Variants in RASSF9 observed in about 807,000 individuals in gnomAD.
RASSF9 encodes ras association domain-containing protein 9.
A neutral mutation model predicts 21.4 loss-of-function variants in RASSF9; 18 were observed. The observed-to-expected ratio is 0.84, with a 90% CI of 0.58 to 1.25. The LOEUF is 1.25. RASSF9 is among the 50% of genes most tolerant of loss of function. RASSF9 has a pLI of 0.00. For missense variants in RASSF9, 480 were observed against 503.2 expected, an observed-to-expected ratio of 0.95 and a Z score of 0.44; for synonymous variants, 183 against 179.1, an observed-to-expected ratio of 1.02 and a Z score of -0.18.
chr12:85,836,019 G>A (rs1880553976), intron 1 of RASSF9, 136 bp downstream of exon 1: 1 of 1,507,952 alleles, frequency 6.6e-7, no homozygotes, highest in Non-Finnish European at 8.9e-7. Flanking sequence ...CTAGGACTGT[G>A]TCCCCACGAA....
chr12:85,828,548 A>T (rs1305672222), intron 1 of RASSF9, among the ~76,000 whole-genome samples: 1 of 152,166 alleles, frequency 6.6e-6, no homozygotes, highest in Non-Finnish European at 1.5e-5. Flanking sequence ...AAAACAATAC[A>T]TTCCACAGTC....
intron 1 of RASSF9, among the ~76,000 whole-genome samples, chr12:85,817,552 AT>A (rs995081650): frequency 5.1e-4 from 78 of 152,112 alleles, no homozygotes; most frequent in Non-Finnish European, 9.0e-4. Flanking sequence ...TTTAATAAAA[AT>A]TTTTATATAA....
chr12:85,803,475 A>G lies in RASSF9; in HGVS notation c.*1227T>C, dbSNP rs1046509574. The stretch of plus-strand genomic sequence containing the variant: ...TGGCAGGAAGGAAGCAAAGGAAAAA[A>G]AGAAGACGGGAGAAGGAGAGATGAA... On this transcript the variant is annotated 3_prime_UTR_variant, in exon 2 of 2. Transcript: ENST00000361228. 2.0e-5 allele frequency: 3 copies of G among 152,124 alleles called. No homozygotes were observed. Among genetic ancestry groups the G allele is most frequent in the African/African-American group, 4.8e-5 (2 of 41,432 alleles). 9.4% of individuals were successfully genotyped at this position (152,124 alleles called of 1,614,324 possible). A position where few individuals can be genotyped will look rare whatever the true frequency, so the allele number is the denominator to read the frequency against.
At chr12:85,833,256 G>T (rs928017538) in intron 1 of RASSF9, among the ~76,000 whole-genome samples, 2 of 151,676 alleles carry the variant, frequency 1.3e-5, no homozygotes, top group Admixed American at 1.3e-4. Context: ...GATGAATAGA[G>T]AATAAAATAA....
intron 1 of RASSF9, among the ~76,000 whole-genome samples, chr12:85,834,144 C>T (rs1385740423): frequency 6.6e-6 from 1 of 151,930 alleles, no homozygotes; most frequent in South Asian, 2.1e-4. Flanking sequence ...ACTTGAAATA[C>T]CCATATTTTT....
chr12:85,832,086 G>A (rs1880464262), intron 1 of RASSF9, among the ~76,000 whole-genome samples: 2 of 151,902 alleles, frequency 1.3e-5, no homozygotes, highest in African/African-American at 2.4e-5. Context: ...ATATCAGTAC[G>A]TTTTGTGAAA....
At chr12:85,824,999 C>CACTT (rs1555189524) in intron 1 of RASSF9, among the ~76,000 whole-genome samples, 1 of 151,890 alleles carries the variant, frequency 6.6e-6, no homozygotes, top group Non-Finnish European at 1.5e-5. Context: ...AATGTGTGCT[C>CACTT]ATTTATTTAT....
chr12:85,815,761 A>G (rs1459896559), intron 1 of RASSF9, among the ~76,000 whole-genome samples: 1 of 151,906 alleles, frequency 6.6e-6, no homozygotes, highest in African/African-American at 2.4e-5. Context: ...GTATCTGTTC[A>G]TGTCATTGGC....
In RASSF9 at chr12:85,805,156, G is replaced by T; in HGVS notation, c.854C>A (p.Ala285Asp). 1 of 1,613,724 alleles carries T rather than the reference G, an allele frequency of 6.2e-7. No individual in the cohort carries two copies. The highest frequency in any genetic ancestry group is 8.5e-7 in the Non-Finnish European group (1 of 1,179,866). Residue 285 changes from alanine to aspartate, a missense_variant, in exon 2 of 2, where the codon GCT (alanine) becomes GAT (aspartate). Transcript: ENST00000361228. ...YYRILIDKLS[A>D]EIEKEVKSVC... ...ACTTTTTACCTCTTTTTCTATTTCA[G>T]CAGAGAGCTTATCAATGAGTATTCG...
In RASSF9 at chr12:85,833,358, G is replaced by A. The variant is rs144188814; in HGVS notation, c.47+2797C>T. 3.6e-4 allele frequency among the ~76,000 whole-genome samples: 54 copies of A among 152,012 alleles called. No individual in the cohort carries two copies. In the East Asian group the frequency reaches 7.2e-3, roughly 20 times the overall value. Reference sequence around the variant, plus strand: ...GTAGGTCTACCACATGGCAGGCACTGTCCTGGACATGAAAACACAATGGTG... The same window carrying A: ...GTAGGTCTACCACATGGCAGGCACTATCCTGGACATGAAAACACAATGGTG... On this transcript the variant is annotated intron_variant, in intron 1 of 1. Transcript: ENST00000361228.
In RASSF9 at chr12:85,836,291, G is replaced by A. The variant is rs1880563170; in HGVS notation, c.-90C>T. Reference sequence around the variant, plus strand: ...CTGGATTTCCAGGGTGAAGGGAGGAGGGCTGGAAGCTTTCTCTTCTCCTCG... The same window carrying A: ...CTGGATTTCCAGGGTGAAGGGAGGAAGGCTGGAAGCTTTCTCTTCTCCTCG... On this transcript the variant is annotated 5_prime_UTR_variant, in exon 1 of 2. Transcript: ENST00000361228. 2.0e-6 allele frequency: 3 copies of A among 1,527,066 alleles called. No homozygotes were observed. The highest frequency in any genetic ancestry group is 4.0e-5 in the Admixed American group (2 of 50,452). 94.6% of individuals were successfully genotyped at this position (1,527,066 alleles called of 1,614,324 possible).
Position 85,805,008 on chromosome 12 carries a change from A to C in RASSF9, c.1002T>G (p.Ser334=). ...TCTCTTTCTGGATGCCACTCAAATGAGAGTGAATTTTCAAACCAGCTTTCA... is the reference window on the plus strand; with the variant it reads ...TCTCTTTCTGGATGCCACTCAAATGCGAGTGAATTTTCAAACCAGCTTTCA... ...KSMKAGLKIH[S]HLSGIQKEIK... is the part of the protein sequence containing the mutation. Residue 334 remains serine (S), a synonymous_variant, in exon 2 of 2, where the codon TCT becomes TCG. Coordinates refer to ENST00000361228, the MANE Select transcript of RASSF9 (RefSeq NM_005447.4). 1 of 1,613,976 alleles carries C rather than the reference A, an allele frequency of 6.2e-7. No homozygotes were observed. The highest frequency in any genetic ancestry group is 1.3e-5 in the African/African-American group (1 of 75,070).
At position 85,805,200 on chromosome 12, in the gene RASSF9, T is replaced by C; in HGVS notation, c.810A>G (p.Glu270=). 1 of 1,613,908 alleles carries C rather than the reference T, an allele frequency of 6.2e-7. No individual in the cohort carries two copies. Among genetic ancestry groups the C allele is most frequent in the East Asian group, 2.2e-5 (1 of 44,878 alleles). ...GTATTCGGTAATATTTCAGTCGTTC[T>C]TCCAGCTGTTCAATTCCATCACTTT... ...LSESDGIEQL[E]ERLKYYRILI... The change falls in exon 2 of 2, where the codon GAA becomes GAG. Residue 270 remains glutamate, a synonymous_variant. Transcript: ENST00000361228.
chr12:85,836,365 G>A lies in RASSF9; in HGVS notation c.-164C>T. 7.0e-7 allele frequency: 1 copy of A among 1,428,140 alleles called. No individual in the cohort carries two copies. The highest frequency in any genetic ancestry group is 2.6e-4 in the Middle Eastern group (1 of 3,898). The allele number at this position is 1,428,140 out of a possible 1,614,324, so 88.5% of individuals were successfully genotyped here. On this transcript the variant is annotated 5_prime_UTR_variant, in exon 1 of 2. Coordinates refer to ENST00000361228, the MANE Select transcript of RASSF9 (RefSeq NM_005447.4). ...TAGTAGCCGGCTGAGAAAGTTGCTG[G>A]AAGTTGTGCAACTGCTGCTTAACTT... is the stretch of plus-strand genomic sequence containing the variant.
chr12:85,828,023 G>A (rs556193440), intron 1 of RASSF9, among the ~76,000 whole-genome samples: 24 of 152,168 alleles, frequency 1.6e-4, no homozygotes, highest in African/African-American at 5.3e-4. Context: ...TCAACATATG[G>A]ATTATATTAT....
intron 1 of RASSF9, among the ~76,000 whole-genome samples, chr12:85,809,697 T>C (rs944803449): frequency 2.0e-5 from 3 of 151,602 alleles, no homozygotes; most frequent in Non-Finnish European, 4.4e-5. Context: ...ATGATGATGA[T>C]GATGATGATG....
At chr12:85,823,296 A>G (rs1161485009) in intron 1 of RASSF9, among the ~76,000 whole-genome samples, 1 of 152,100 alleles carries the variant, frequency 6.6e-6, no homozygotes, top group Admixed American at 6.5e-5. Flanking sequence ...GCCACACCCA[A>G]TAGCCACTTG....
At chr12:85,807,436 G>C (rs970150120) in intron 1 of RASSF9, among the ~76,000 whole-genome samples, 5 of 151,974 alleles carry the variant, frequency 3.3e-5, no homozygotes, top group Admixed American at 6.6e-5. Context: ...TTTAAGTAGA[G>C]GTAAAACTAA....
At chr12:85,806,341 C>T (rs373037735) in intron 1 of RASSF9, among the ~76,000 whole-genome samples, 56 of 149,902 alleles carry the variant, frequency 3.7e-4, no homozygotes, top group Non-Finnish European at 7.3e-4. Flanking sequence ...TGAGCCACTG[C>T]GCCTGGCCGA....
Sources: gnomAD v4.1 joint callset for allele counts (sites outside exome capture counted in the v4.1 genomes callset) on GRCh38, gnomAD v4.1.1 for gene constraint, MANE v1.5 for transcripts, NCBI Gene and HGNC (gene_info 2026-07-23, HGNC 2026-07-21) for gene names.